The following NDE1 variants were observed in gnomAD, a reference collection of about 807,000 sequenced individuals.
NDE1 encodes the protein nudE neurodevelopment protein 1, also known as nuclear distribution protein nudE homolog 1.
NDE1 carries 28 observed loss-of-function variants against 43.4 expected under a neutral mutation model. That is an observed-to-expected ratio of 0.65 (90% CI 0.48 to 0.89). NDE1 has a LOEUF of 0.89. Ranked by LOEUF, NDE1 falls within the 40% of genes least tolerant of loss-of-function variation. The pLI, the probability that NDE1 is intolerant of heterozygous loss-of-function variation, is 0.00. For synonymous variants in NDE1, 184 were observed against 172.0 expected (o/e 1.07, Z -0.55); for missense variants, 441 against 434.1 (o/e 1.02, Z -0.14).
intron 8 of NDE1, among the ~76,000 whole-genome samples, chr16:15,698,019 G>T (rs1355932574): frequency 1.3e-5 from 2 of 151,826 alleles, no homozygotes; most frequent in African/African-American, 4.8e-5. Flanking sequence ...TGTTAGGATG[G>T]TCTTGATCTC....
In NDE1 at chr16:15,694,161, C is replaced by G. The variant is rs762562505; in HGVS notation, c.704-4C>G. ...GTTACATGCTCTTCCCTTTGCACAC[C>G]CAGGCCTGGACGACTCCACCGGGGG... On this transcript the variant is annotated splice_polypyrimidine_tract_variant and splice_region_variant and intron_variant, in intron 6 of 8. Coordinates refer to ENST00000396354, the MANE Select transcript of NDE1 (RefSeq NM_017668.3). The G allele has an allele frequency of 1.1e-5, 18 of 1,612,242 alleles. No homozygotes were observed. The highest frequency in any genetic ancestry group is 1.5e-5 in the Non-Finnish European group (18 of 1,179,950).
chr16:15,694,276 G>C lies in NDE1; in HGVS notation c.795+20G>C. ...GTCGGGGTAAGACCACACTTTCCTG[G>C]CGTTTGGTGCCTTCCTGCCTGTCTT... On this transcript the variant is annotated intron_variant, in intron 7 of 8. Coordinates refer to ENST00000396354, the MANE Select transcript of NDE1 (RefSeq NM_017668.3). 1 of 1,610,542 alleles carries C rather than the reference G, an allele frequency of 6.2e-7. No individual in the cohort carries two copies. The highest frequency in any genetic ancestry group is 8.5e-7 in the Non-Finnish European group (1 of 1,178,700).
At chr16:15,704,659 C>T (rs1490323010) in intron 8 of NDE1, among the ~76,000 whole-genome samples, 2 of 152,148 alleles carry the variant, frequency 1.3e-5, no homozygotes, top group African/African-American at 2.4e-5. Context: ...GAGAAGGACA[C>T]AGAGGGGCTC....
rs2040646616 is a variant in NDE1, at chr16:15,724,470, C to T, written c.*219C>T. On this transcript the variant is annotated 3_prime_UTR_variant, in exon 9 of 9. Coordinates refer to ENST00000396354, the MANE Select transcript of NDE1 (RefSeq NM_017668.3). ...GACCATGAGTGGCCCCTGTCCCTGGCCCCACAGACTCTGAGAAGCGAAGAC... is the reference window on the plus strand; with the variant it reads ...GACCATGAGTGGCCCCTGTCCCTGGTCCCACAGACTCTGAGAAGCGAAGAC... The T allele has an allele frequency of 6.2e-7, 1 of 1,610,148 alleles. No homozygotes were observed. The highest frequency in any genetic ancestry group is 8.5e-7 in the Non-Finnish European group (1 of 1,178,760).
chr16:15,692,699 T>C (rs2038812365), intron 6 of NDE1, among the ~76,000 whole-genome samples: 1 of 152,078 alleles, frequency 6.6e-6, no homozygotes, highest in Admixed American at 6.6e-5. Flanking sequence ...TATGAGTCAC[T>C]GTGCCTAGCC....
intron 4 of NDE1, among the ~76,000 whole-genome samples, chr16:15,683,609 G>C (rs1425866340): frequency 2.0e-5 from 3 of 152,148 alleles, no homozygotes; most frequent in African/African-American, 7.2e-5. Flanking sequence ...GCCTCCCAAA[G>C]TGCTGGGATT....
chr16:15,694,337 C>G, intron 7 of NDE1, 81 bp downstream of exon 7: 1 of 1,565,730 alleles, frequency 6.4e-7, no homozygotes, highest in Non-Finnish European at 8.6e-7. Context: ...TAGTTCCTTC[C>G]CTCTCTTCTT....
At chr16:15,681,288 C>T (rs1398299891) in intron 4 of NDE1, among the ~76,000 whole-genome samples, 1 of 13,044 alleles carries the variant, frequency 7.7e-5, no homozygotes, top group Non-Finnish European at 1.3e-4. Context: ...TTTTTTGAGA[C>T]TGGGCCTCGC....
At chr16:15,708,739 G>A (rs914265949) in intron 8 of NDE1, 23 of 1,518,836 alleles carry the variant, frequency 1.5e-5, no homozygotes, top group South Asian at 1.1e-4. Flanking sequence ...GCAGAGGGGC[G>A]CATTGGGCAG....
chr16:15,707,029 G>C (rs1293589094), intron 8 of NDE1, among the ~76,000 whole-genome samples: 1 of 152,076 alleles, frequency 6.6e-6, no homozygotes, highest in Non-Finnish European at 1.5e-5. Flanking sequence ...TAAAGGGTCT[G>C]ATCCTGGAGA....
chr16:15,697,001 C>G (rs2039048658), intron 8 of NDE1, 141 bp downstream of exon 8: 3 of 1,535,216 alleles, frequency 2.0e-6, no homozygotes, highest in East Asian at 4.9e-5. Context: ...CCTCTGCTCC[C>G]TGCAGGCAGC....
intron 6 of NDE1, 80 bp downstream of exon 6, chr16:15,691,403 G>A: frequency 6.7e-7 from 1 of 1,481,574 alleles, no homozygotes; most frequent in South Asian, 1.2e-5. Flanking sequence ...TCCTGGGGGT[G>A]TGATGATTTG....
At chr16:15,669,360 A>ATTTT (rs1187758200) in intron 3 of NDE1, among the ~76,000 whole-genome samples, 2 of 125,556 alleles carry the variant, frequency 1.6e-5, no homozygotes, top group Non-Finnish European at 3.4e-5. Context: ...CGCCTGGCTA[A>ATTTT]TTTTTTTTTT....
chr16:15,697,831 A>G (rs573510163), intron 8 of NDE1, among the ~76,000 whole-genome samples: 4 of 143,900 alleles, frequency 2.8e-5, no homozygotes, highest in African/African-American at 1.0e-4. Flanking sequence ...TTTTTTTGAG[A>G]CGTCTTGCTC....
At chr16:15,715,860 T>C (rs569669835) in intron 8 of NDE1, among the ~76,000 whole-genome samples, 56 of 152,106 alleles carry the variant, frequency 3.7e-4, no homozygotes, top group Admixed American at 2.2e-3. Context: ...GCGTGGTGGC[T>C]CATGCCTGTA....
At position 15,677,798 on chromosome 16, in the gene NDE1, CAGG is replaced by C. The variant is rs797045733; in HGVS notation, c.238_240del (p.Glu80del). Reference sequence around the variant, plus strand: ...TTCACTCAGTGTCTGTGTTGTCCTTCAGGAGAAGTTTGAAGTGCAGCACTCTGA... The same window carrying C: ...TTCACTCAGTGTCTGTGTTGTCCTTCAGAAGTTTGAAGTGCAGCACTCTGA... On this transcript the variant is annotated splice_acceptor_variant and coding_sequence_variant, in exon 4 of 9. Transcript: ENST00000396354. LOFTEE classifies it high-confidence loss of function. The C allele has an allele frequency of 6.2e-7, 1 of 1,614,066 alleles. No individual in the cohort carries two copies. Among genetic ancestry groups the C allele is most frequent in the African/African-American group, 1.3e-5 (1 of 75,020 alleles).
At chr16:15,693,619 A>G (rs1415016409) in intron 6 of NDE1, among the ~76,000 whole-genome samples, 1 of 151,974 alleles carries the variant, frequency 6.6e-6, no homozygotes, top group Non-Finnish European at 1.5e-5. Flanking sequence ...TGGGCAACAT[A>G]GTGAGACCCT....
At chr16:15,691,990 A>G (rs929975801) in intron 6 of NDE1, among the ~76,000 whole-genome samples, 1 of 152,052 alleles carries the variant, frequency 6.6e-6, no homozygotes. Flanking sequence ...ACCAAATACA[A>G]AAAAGTAAAA....
chr16:15,688,740 C>G (rs1312798861), intron 5 of NDE1, among the ~76,000 whole-genome samples: 1 of 94,814 alleles, frequency 1.1e-5, no homozygotes, highest in African/African-American at 4.0e-5. Context: ...GCTCTGTTGT[C>G]CAGGCTGGAG....
Sources: gnomAD v4.1 joint callset for allele counts (sites outside exome capture counted in the v4.1 genomes callset) on GRCh38, gnomAD v4.1.1 for gene constraint, MANE v1.5 for transcripts, NCBI Gene and HGNC (gene_info 2026-07-23, HGNC 2026-07-21) for gene names.